The following QPRT variants were observed in gnomAD, a reference collection of about 807,000 sequenced individuals.
QPRT encodes quinolinate phosphoribosyltransferase, also known as nicotinate-nucleotide pyrophosphorylase [carboxylating].
In QPRT, 17 loss-of-function variants were observed where a neutral mutation model predicts 19.8. The observed-to-expected ratio is 0.86, with a 90% confidence interval of 0.59 to 1.29. QPRT has a LOEUF of 1.29. Among genes scored for constraint, QPRT ranks in the 50% most tolerant of loss-of-function variants. The pLI, the probability that QPRT is intolerant of heterozygous loss-of-function variation, is 0.00. For synonymous variants in QPRT, 178 were observed against 191.0 expected (o/e 0.93, Z 0.56); for missense variants, 336 against 405.1 (o/e 0.83, Z 1.46).
At chr16:29,690,219 G>A (rs2370364) in intron 1 of QPRT, among the ~76,000 whole-genome samples, 124,598 of 152,242 alleles carry the variant, frequency 0.82, 51,566 homozygotes, top group East Asian at 0.99. Flanking sequence ...ATTCTTTTTT[G>A]TGGCTGCATA....
chr16:29,690,488 G>A (rs1203224248), intron 1 of QPRT, among the ~76,000 whole-genome samples: 1 of 152,006 alleles, frequency 6.6e-6, no homozygotes, highest in East Asian at 1.9e-4. Context: ...CAGTGTATAA[G>A]TGATCCTTTT....
chr16:29,691,490 G>A (rs1007258927), intron 1 of QPRT, among the ~76,000 whole-genome samples: 2 of 151,804 alleles, frequency 1.3e-5, no homozygotes, highest in East Asian at 3.9e-4. Flanking sequence ...GACGAGGCTG[G>A]GGAATATAGT....
intron 1 of QPRT, among the ~76,000 whole-genome samples, chr16:29,685,449 C>T (rs1038594701): frequency 2.6e-5 from 4 of 152,084 alleles, no homozygotes; most frequent in African/African-American, 7.2e-5. Context: ...CCAGCCCAGG[C>T]GACAGTGAGA....
Position 29,694,653 on chromosome 16 carries a change from C to CTT in QPRT, c.14-10_14-9dup. 1 of 1,524,686 alleles carries CTT rather than the reference C, an allele frequency of 6.6e-7. No individual in the cohort carries two copies. The highest frequency in any genetic ancestry group is 8.8e-7 in the Non-Finnish European group (1 of 1,137,730). 94.4% of individuals were successfully genotyped at this position (1,524,686 alleles called of 1,614,324 possible). ...CAGCCAAACTCAACAGCTGTTCTCTCTTCCCCCCAGGCCTGGCGCTGCTGC... is the reference window on the plus strand; with the variant it reads ...CAGCCAAACTCAACAGCTGTTCTCTCTTTTCCCCCCAGGCCTGGCGCTGCTGC... On this transcript the variant is annotated splice_polypyrimidine_tract_variant and intron_variant, in intron 1 of 3. Transcript: ENST00000395384.
Position 29,697,557 on chromosome 16 carries a change from T to C in QPRT, c.*146T>C. On this transcript the variant is annotated 3_prime_UTR_variant, in exon 4 of 4. Coordinates refer to ENST00000395384, the MANE Select transcript of QPRT (RefSeq NM_014298.6). The surrounding 1 kb of genome is among the most constrained non-coding windows in gnomAD (Gnocchi z 4.4). ...CTCTGGCTCTGCCACCTGCTGCTCC[T>C]GTGACCTGTCAGGGCTGACTTCACC... 1 of 802,982 alleles carries C rather than the reference T, an allele frequency of 1.2e-6. No homozygotes were observed. Among genetic ancestry groups the C allele is most frequent in the Non-Finnish European group, 1.9e-6 (1 of 519,100 alleles). 49.7% of individuals were successfully genotyped at this position (802,982 alleles called of 1,614,324 possible).
intron 1 of QPRT, among the ~76,000 whole-genome samples, chr16:29,680,083 G>T (rs561755194): frequency 6.7e-6 from 1 of 149,806 alleles, no homozygotes; most frequent in Non-Finnish European, 1.5e-5. Flanking sequence ...TCAGCCTCCC[G>T]AGTAGCTGGG....
chr16:29,686,942 G>A (rs890769057), intron 1 of QPRT, among the ~76,000 whole-genome samples: 1 of 152,240 alleles, frequency 6.6e-6, no homozygotes, highest in African/African-American at 2.4e-5. Flanking sequence ...CACCTGCACT[G>A]TGTGGGGTGT....
intron 1 of QPRT, among the ~76,000 whole-genome samples, chr16:29,694,210 C>G (rs948494684): frequency 6.6e-6 from 1 of 151,654 alleles, no homozygotes; most frequent in African/African-American, 2.4e-5. Flanking sequence ...GCTCCACCTC[C>G]CAGGTTCACG....
At chr16:29,679,394 C>T (rs769997585) in intron 1 of QPRT, among the ~76,000 whole-genome samples, 184 bp downstream of exon 1, 4 of 152,264 alleles carry the variant, frequency 2.6e-5, no homozygotes, top group Non-Finnish European at 4.4e-5. Context: ...GAGGCCCCTT[C>T]TCACTCTTCT....
chr16:29,691,229 G>A (rs760041052), intron 1 of QPRT, among the ~76,000 whole-genome samples: 11 of 151,700 alleles, frequency 7.3e-5, no homozygotes, highest in Admixed American at 7.2e-4. Flanking sequence ...GCTGGGCGTG[G>A]TGGCGGGCAC....
intron 1 of QPRT, among the ~76,000 whole-genome samples, chr16:29,681,425 G>A (rs1312893735): frequency 3.3e-5 from 5 of 149,276 alleles, no homozygotes; most frequent in African/African-American, 4.9e-5. Flanking sequence ...GAAATTGTGT[G>A]TCTTTGTGAG....
In QPRT at chr16:29,694,764, G is replaced by C. The variant is rs778374830; in HGVS notation, c.114G>C (p.Gly38=). ...TCAACTACGCAGCCTTGGTCAGCGG[G>C]GCAGGCCCCTCGCAGGCGGCGCTGT... is the stretch of plus-strand genomic sequence containing the variant. The part of the protein sequence containing the change: ...PGLNYAALVS[G]AGPSQAALWA... Residue 38 remains glycine, a synonymous_variant, in exon 2 of 4, where the codon GGG becomes GGC. Transcript: ENST00000395384. 5.0e-6 allele frequency: 8 copies of C among 1,613,266 alleles called. No homozygotes were observed. The highest frequency in any genetic ancestry group is 6.8e-6 in the Non-Finnish European group (8 of 1,179,620).
rs576650968 is a variant in QPRT, at chr16:29,693,005, G to C, written c.14-1659G>C. ...GAATCCGGAAGGCGGAGGTTGAAGC[G>C]AGCCGAGATCACTCCATTGCACTCC... On this transcript the variant is annotated intron_variant, in intron 1 of 3. Transcript: ENST00000395384. 3.2e-3 allele frequency among the ~76,000 whole-genome samples: 482 copies of C among 151,066 alleles called. 3 individuals carry two copies. Among genetic ancestry groups the C allele is most frequent in the African/African-American group, 0.011 (450 of 41,122 alleles).
At position 29,695,216 on chromosome 16, in the gene QPRT, T is replaced by A. The variant is rs999453012; in HGVS notation, c.549+17T>A. On this transcript the variant is annotated intron_variant, in intron 2 of 3. Transcript: ENST00000395384. The stretch of plus-strand genomic sequence containing the variant: ...GTGGAGAAGGTGCTGGTCCTGCCTG[T>A]CCCTGGTCCAACCCCACCCTCAGCA... 2 of 1,518,332 alleles carry A rather than the reference T, an allele frequency of 1.3e-6. No homozygotes were observed. The highest frequency in any genetic ancestry group is 2.6e-5 in the South Asian group (2 of 78,034). 94.1% of individuals were successfully genotyped at this position (1,518,332 alleles called of 1,614,324 possible).
intron 1 of QPRT, among the ~76,000 whole-genome samples, chr16:29,681,340 T>A (rs990069126): frequency 3.3e-5 from 5 of 151,978 alleles, no homozygotes; most frequent in African/African-American, 7.2e-5. Context: ...ACCTGATTCC[T>A]TCAGAGCCAG....
chr16:29,683,766 C>T (rs962122692), intron 1 of QPRT, among the ~76,000 whole-genome samples: 3 of 152,166 alleles, frequency 2.0e-5, no homozygotes, highest in African/African-American at 7.2e-5. Context: ...TTCTGGTTCA[C>T]TGGGTTGGAA....
intron 2 of QPRT, among the ~76,000 whole-genome samples, 174 bp downstream of exon 2, chr16:29,695,373 C>A (rs1967499030): frequency 6.6e-6 from 1 of 152,122 alleles, no homozygotes; most frequent in Non-Finnish European, 1.5e-5. Context: ...TTGAGCTCAT[C>A]CAGCTAAGCT....
At chr16:29,691,058 GA>G (rs906210798) in intron 1 of QPRT, among the ~76,000 whole-genome samples, 2 of 146,228 alleles carry the variant, frequency 1.4e-5, no homozygotes, top group Non-Finnish European at 3.0e-5. Context: ...AAATCAGCCT[GA>G]AAAAAAAAGA....
upstream of QPRT, chr16:29,679,112 C>G: frequency 6.2e-7 from 1 of 1,612,480 alleles, no homozygotes; most frequent in Non-Finnish European, 8.5e-7. Flanking sequence ...CCCTCCCTCC[C>G]TCCACAGTCC....
Sources: allele counts gnomAD v4.1 joint callset (sites outside exome capture counted in the v4.1 genomes callset), GRCh38; gene constraint gnomAD v4.1.1; non-coding constraint Gnocchi (gnomAD v3.1); transcripts MANE v1.5; gene names NCBI Gene and HGNC (gene_info 2026-07-23, HGNC 2026-07-21).